The following LDAH variants were observed in gnomAD, a reference collection of about 807,000 sequenced individuals.
LDAH encodes lipid droplet-associated hydrolase.
LDAH carries 26 observed loss-of-function variants against 29.6 expected under a neutral mutation model. That is an observed-to-expected ratio of 0.88 (90% CI 0.64 to 1.22). The LOEUF (loss-of-function observed/expected upper bound fraction) is 1.22, where lower values mean the gene tolerates loss of function less well. Among genes scored for constraint, LDAH ranks in the 50% most tolerant of loss-of-function variants. The pLI, the probability that LDAH is intolerant of heterozygous loss-of-function variation, is 0.00. For synonymous variants in LDAH, 117 were observed against 133.0 expected (o/e 0.88, Z 0.83); for missense variants, 344 against 387.3 (o/e 0.89, Z 0.94).
chr2:20,788,333 A>G (rs1280234526), intron 3 of LDAH, among the ~76,000 whole-genome samples: 1 of 152,214 alleles, frequency 6.6e-6, no homozygotes, highest in Non-Finnish European at 1.5e-5. Flanking sequence ...TTTTTCAGAA[A>G]GTATTCAGAG....
chr2:20,713,945 C>T (rs1255296672), intron 5 of LDAH, among the ~76,000 whole-genome samples: 2 of 152,146 alleles, frequency 1.3e-5, no homozygotes, highest in Non-Finnish European at 2.9e-5. Context: ...GACTTTAACA[C>T]CCCACTGTCA....
At chr2:20,819,934 A>G (rs963565020) in intron 1 of LDAH, among the ~76,000 whole-genome samples, 54 of 152,078 alleles carry the variant, frequency 3.6e-4, no homozygotes, top group Non-Finnish European at 6.2e-4. Flanking sequence ...TACAAAATCA[A>G]TGTGCAAAAA....
At chr2:20,769,444 T>C (rs1042210931) in intron 4 of LDAH, among the ~76,000 whole-genome samples, 7 of 152,214 alleles carry the variant, frequency 4.6e-5, no homozygotes, top group Non-Finnish European at 2.9e-5. Context: ...CTGTTAAACA[T>C]AGCTGAGTGA....
intron 6 of LDAH, among the ~76,000 whole-genome samples, chr2:20,690,829 C>T (rs543878323): frequency 5.9e-5 from 9 of 152,136 alleles, no homozygotes; most frequent in African/African-American, 2.2e-4. Context: ...AACCAATGGG[C>T]CGAGAGCAAT....
intron 1 of LDAH, among the ~76,000 whole-genome samples, chr2:20,807,651 T>C (rs1672164808): frequency 6.6e-6 from 1 of 151,866 alleles, no homozygotes; most frequent in South Asian, 2.1e-4. Context: ...ATGAAAAAAT[T>C]CTTAACAAGT....
intron 5 of LDAH, among the ~76,000 whole-genome samples, chr2:20,712,200 T>C (rs1468337215): frequency 2.0e-5 from 3 of 151,994 alleles, no homozygotes; most frequent in African/African-American, 7.2e-5. Context: ...CAGGCAGCAA[T>C]ATTTGCTGTT....
intron 1 of LDAH, among the ~76,000 whole-genome samples, chr2:20,812,564 GA>G (rs1276543980): frequency 6.6e-6 from 1 of 152,084 alleles, no homozygotes; most frequent in Admixed American, 6.5e-5. Flanking sequence ...GCCATATATG[GA>G]CTAATATTCT....
chr2:20,718,220 G>A (rs1665382740), intron 5 of LDAH, among the ~76,000 whole-genome samples: 2 of 152,060 alleles, frequency 1.3e-5, no homozygotes, highest in Non-Finnish European at 2.9e-5. Flanking sequence ...ACATAGAATG[G>A]CTGAATGGAT....
At chr2:20,784,916 AGT>A (rs1670445342) in intron 3 of LDAH, among the ~76,000 whole-genome samples, 1 of 152,096 alleles carries the variant, frequency 6.6e-6, no homozygotes, top group Non-Finnish European at 1.5e-5. Context: ...AAAAAACACA[AGT>A]TCATCTGAAG....
At chr2:20,761,287 G>GA (rs546369476) in intron 4 of LDAH, among the ~76,000 whole-genome samples, 45 of 147,954 alleles carry the variant, frequency 3.0e-4, no homozygotes, top group East Asian at 1.2e-3. Context: ...TTAATTAAAT[G>GA]AAAAAAAAAA....
chr2:20,724,458 A>G (rs1665875706), intron 5 of LDAH, among the ~76,000 whole-genome samples: 2 of 152,206 alleles, frequency 1.3e-5, no homozygotes, highest in African/African-American at 4.8e-5. Flanking sequence ...AGGGTTGTTA[A>G]GTGAAATAAA....
At chr2:20,811,019 C>CTT (rs1205753675) in intron 1 of LDAH, among the ~76,000 whole-genome samples, 49 of 138,894 alleles carry the variant, frequency 3.5e-4, no homozygotes, top group African/African-American at 1.2e-3. Context: ...ATTCGACCTT[C>CTT]TTTTTTTTTT....
intron 4 of LDAH, among the ~76,000 whole-genome samples, chr2:20,748,252 T>C (rs1365857734): frequency 6.6e-6 from 1 of 152,148 alleles, no homozygotes. Flanking sequence ...TATTCAGACC[T>C]CTGGGGCAGA....
intron 4 of LDAH, among the ~76,000 whole-genome samples, chr2:20,755,700 T>C (rs1485257419): frequency 1.3e-5 from 2 of 152,102 alleles, no homozygotes; most frequent in Non-Finnish European, 2.9e-5. Context: ...AGAAAGAGGC[T>C]CCTGATCTGG....
chr2:20,800,722 C>T (rs1367041003), intron 2 of LDAH, among the ~76,000 whole-genome samples: 1 of 152,166 alleles, frequency 6.6e-6, no homozygotes, highest in Non-Finnish European at 1.5e-5. Context: ...CAACCTCTGC[C>T]TCCCAGGTTC....
chr2:20,701,618 C>CA lies in LDAH; in HGVS notation c.737dup (p.Met246IlefsTer8), dbSNP rs1663944682. ...TTTCGTCATCTCTCTTCACCACCTC[C>CA]ATCATTTCTTGGCCCCCAAGGTAGG... On this transcript the variant is annotated frameshift_variant, in exon 6 of 7. Coordinates refer to ENST00000237822, the MANE Select transcript of LDAH (RefSeq NM_021925.4). LOFTEE classifies it low-confidence loss of function (END_TRUNC). 1 of 1,614,000 alleles carries CA rather than the reference C, an allele frequency of 6.2e-7. No individual in the cohort carries two copies. The highest frequency in any genetic ancestry group is 8.5e-7 in the Non-Finnish European group (1 of 1,180,018).
At chr2:20,742,511 T>C (rs112142966) in intron 4 of LDAH, among the ~76,000 whole-genome samples, 2,403 of 152,334 alleles carry the variant, frequency 0.016, 69 homozygotes, top group African/African-American at 0.055. Flanking sequence ...AGGACTGTTA[T>C]GTCTTCTTGG....
chr2:20,746,043 G>A (rs944102681), intron 4 of LDAH, among the ~76,000 whole-genome samples: 88 of 152,320 alleles, frequency 5.8e-4, no homozygotes, highest in Middle Eastern at 3.4e-3. Context: ...TGGTGTGTTT[G>A]AGTAAGAGCC....
intron 6 of LDAH, among the ~76,000 whole-genome samples, chr2:20,691,896 T>A (rs753825373): frequency 6.6e-6 from 1 of 152,230 alleles, no homozygotes; most frequent in Non-Finnish European, 1.5e-5. Context: ...GGCTTATAGA[T>A]GAACTTCCCT....
Sources: allele counts gnomAD v4.1 joint callset (sites outside exome capture counted in the v4.1 genomes callset), GRCh38; gene constraint gnomAD v4.1.1; transcripts MANE v1.5; gene names NCBI Gene and HGNC (gene_info 2026-07-23, HGNC 2026-07-21).